PKIB: variants seen among roughly 807,000 people sequenced by gnomAD.
PKIB encodes the protein cAMP-dependent protein kinase inhibitor beta.
PKIB carries 2 observed loss-of-function variants against 4.5 expected under a neutral mutation model. The observed-to-expected ratio is 0.44, with a 90% confidence interval of 0.18 to 1.39. The LOEUF (loss-of-function observed/expected upper bound fraction) is 1.39, where lower values mean the gene tolerates loss of function less well. PKIB is among the 40% of genes most tolerant of loss of function. PKIB has a pLI of 0.27. For missense variants in PKIB, 94 were observed against 92.6 expected, an observed-to-expected ratio of 1.02 and a Z score of -0.06; for synonymous variants, 38 against 36.0, an observed-to-expected ratio of 1.06 and a Z score of -0.20.
intron 3 of PKIB, among the ~76,000 whole-genome samples, chr6:122,711,039 A>G (rs986274445): frequency 1.3e-5 from 2 of 152,162 alleles, no homozygotes; most frequent in Admixed American, 6.5e-5. Flanking sequence ...AAATGTAGAC[A>G]GTAGGGATGC....
intron 3 of PKIB, among the ~76,000 whole-genome samples, chr6:122,601,292 GT>G (rs2114740918): frequency 6.6e-6 from 1 of 152,000 alleles, no homozygotes; most frequent in East Asian, 1.9e-4. Context: ...TAGGCCTCAA[GT>G]TTGTCAAGAA....
intron 2 of PKIB, among the ~76,000 whole-genome samples, chr6:122,557,596 C>T (rs1206938795): frequency 1.3e-5 from 2 of 152,184 alleles, no homozygotes; most frequent in Non-Finnish European, 2.9e-5. Flanking sequence ...AGTGACAAAA[C>T]CAAGGAGCTC....
At chr6:122,521,206 G>T (rs1396325546) in intron 2 of PKIB, among the ~76,000 whole-genome samples, 1 of 152,178 alleles carries the variant, frequency 6.6e-6, no homozygotes, top group Admixed American at 6.5e-5. Context: ...ACTGGCCGCA[G>T]GCCACCAAAC....
chr6:122,666,608 T>C (rs923330974), intron 2 of PKIB, among the ~76,000 whole-genome samples: 12 of 152,210 alleles, frequency 7.9e-5, no homozygotes, highest in Non-Finnish European at 1.8e-4. Context: ...TGTGTGCTTT[T>C]TGAAACAGAC....
chr6:122,576,710 A>ATATATATATATATATATATATATT (rs59569106), intron 2 of PKIB, among the ~76,000 whole-genome samples: 1 of 109,988 alleles, frequency 9.1e-6, no homozygotes, highest in African/African-American at 4.0e-5. Flanking sequence ...ATATATATAT[A>ATATATATATATATATATATATATT]TTTTCTTTTG....
rs140338884 is a variant in PKIB, at chr6:122,569,704, C to T, written c.-247-16217C>T. ...CAGTCTGGAGTCTGGTAACTCCACT[C>T]GGTGGCTATACCCAGAAGAGCAATA... On this transcript the variant is annotated intron_variant, in intron 2 of 6. Coordinates refer to the PKIB transcript ENST00000392491. 1.5e-3 allele frequency among the ~76,000 whole-genome samples: 222 copies of T among 152,304 alleles called. 1 individual carries two copies. The highest frequency in any genetic ancestry group is 9.7e-4 in the East Asian group (5 of 5,178).
intron 2 of PKIB, among the ~76,000 whole-genome samples, chr6:122,636,698 A>T (rs1193891063): frequency 1.3e-5 from 2 of 152,134 alleles, no homozygotes; most frequent in Non-Finnish European, 2.9e-5. Context: ...TTTGGGAGAG[A>T]TCTTGGCAAA....
At chr6:122,559,019 A>G (rs1772936746) in intron 2 of PKIB, among the ~76,000 whole-genome samples, 1 of 152,136 alleles carries the variant, frequency 6.6e-6, no homozygotes, top group Non-Finnish European at 1.5e-5. Context: ...TCCATTCCTG[A>G]GTTACTTCAC....
chr6:122,716,125 G>A (rs150674660), intron 3 of PKIB, among the ~76,000 whole-genome samples: 1 of 152,212 alleles, frequency 6.6e-6, no homozygotes, highest in Non-Finnish European at 1.5e-5. Flanking sequence ...GGATACACAA[G>A]AAGGTGGTAG....
At chr6:122,638,583 CA>C (rs1776016065) in intron 2 of PKIB, among the ~76,000 whole-genome samples, 1 of 152,236 alleles carries the variant, frequency 6.6e-6, no homozygotes, top group African/African-American at 2.4e-5. Context: ...CCTTTTGTTT[CA>C]GGGCTCAAAT....
intron 2 of PKIB, among the ~76,000 whole-genome samples, chr6:122,557,303 C>T (rs1772874348): frequency 6.6e-6 from 1 of 152,110 alleles, no homozygotes; most frequent in African/African-American, 2.4e-5. Flanking sequence ...ATATTTCTGC[C>T]TCATTGCTTC....
intron 2 of PKIB, among the ~76,000 whole-genome samples, chr6:122,645,098 G>A (rs1004010825): frequency 1.3e-5 from 2 of 152,132 alleles, no homozygotes; most frequent in African/African-American, 4.8e-5. Flanking sequence ...TTCTTTATTG[G>A]CAGTGAAAAT....
intron 2 of PKIB, among the ~76,000 whole-genome samples, chr6:122,662,470 C>T (rs754319168): frequency 1.9e-4 from 28 of 151,286 alleles, no homozygotes; most frequent in Non-Finnish European, 3.1e-4. Flanking sequence ...CATGCACCAC[C>T]GTGCCCAGCT....
chr6:122,552,110 C>G (rs1188700058), intron 2 of PKIB, among the ~76,000 whole-genome samples: 1 of 151,974 alleles, frequency 6.6e-6, no homozygotes, highest in Non-Finnish European at 1.5e-5. Context: ...TTAAATATTT[C>G]TCTTTGCAGC....
At position 122,725,351 on chromosome 6, in the gene PKIB, T is replaced by G; in HGVS notation, c.*156T>G. 4 of 616,840 alleles carry G rather than the reference T, an allele frequency of 6.5e-6. No homozygotes were observed. Among genetic ancestry groups the G allele is most frequent in the Middle Eastern group, 2.6e-4 (1 of 3,826 alleles). The allele number at this position is 616,840 out of a possible 1,614,324, so 38.2% of individuals were successfully genotyped here. A position where few individuals can be genotyped will look rare whatever the true frequency, so the allele number is the denominator to read the frequency against. On this transcript the variant is annotated 3_prime_UTR_variant, in exon 5 of 5. Transcript: ENST00000368452. ...TAATTGTGTTGTGATGCTACTCACT[T>G]TGATTGCAATGATGATGTCCAAGGT... is the stretch of plus-strand genomic sequence containing the variant.
chr6:122,637,484 C>T lies in PKIB; in HGVS notation c.-76+4117C>T, dbSNP rs528408929. The stretch of plus-strand genomic sequence containing the variant: ...TAAAAATAAAGATGAAGGCCAGGTG[C>T]GGTGGCTCATGCCTGTAATCCCAAC... On this transcript the variant is annotated intron_variant, in intron 2 of 4. Coordinates refer to ENST00000368452, the MANE Select transcript of PKIB (RefSeq NM_181795.3). Among the ~76,000 whole-genome samples the T allele has an allele frequency of 5.3e-5, 8 of 152,058 alleles. No individual in the cohort carries two copies. In the East Asian group the frequency reaches 7.7e-4, roughly 15 times the overall value.
chr6:122,611,092 G>T (rs2114759104), intron 1 of PKIB, among the ~76,000 whole-genome samples: 1 of 152,312 alleles, frequency 6.6e-6, no homozygotes, highest in Middle Eastern at 3.4e-3. Flanking sequence ...CTCAAGGGTC[G>T]CCCGTAGCTA....
In PKIB at chr6:122,660,437, C is replaced by T. The variant is rs118070023; in HGVS notation, c.-75-14641C>T. On this transcript the variant is annotated intron_variant, in intron 2 of 4. Transcript: ENST00000368452. ...ATTCTCCTCTAAGGTCCCTTCCAAA[C>T]TGATCATGCTGTAGCCTTGGGATAT... Among the ~76,000 whole-genome samples the T allele has an allele frequency of 1.5e-3, 221 of 152,298 alleles. 2 individuals are homozygous for T. In the East Asian group the frequency reaches 0.021, roughly 15 times the overall value.
chr6:122,647,347 A>C (rs1381285789), intron 2 of PKIB, among the ~76,000 whole-genome samples: 1 of 152,226 alleles, frequency 6.6e-6, no homozygotes, highest in African/African-American at 2.4e-5. Flanking sequence ...ACAAACACCT[A>C]GGTGAGTGTC....
Sources: allele counts gnomAD v4.1 joint callset (sites outside exome capture counted in the v4.1 genomes callset), GRCh38; gene constraint gnomAD v4.1.1; transcripts MANE v1.5; gene names NCBI Gene and HGNC (gene_info 2026-07-23, HGNC 2026-07-21).